Variants in HDX observed in about 807,000 individuals in gnomAD.
The protein encoded by HDX is highly divergent homeobox.
Under a neutral mutation model 45.2 loss-of-function variants are expected in HDX, and 19 were observed. That is an observed-to-expected ratio of 0.42 (90% confidence interval 0.29 to 0.62). The LOEUF (loss-of-function observed/expected upper bound fraction) is 0.62, where lower values mean the gene tolerates loss of function less well. HDX is among the 20% of genes least tolerant of loss of function. The pLI is 0.20. For missense variants in HDX, 532 were observed against 493.9 expected (o/e 1.08, Z -0.73); for synonymous variants, 188 against 172.8 (o/e 1.09, Z -0.69).
intron 4 of HDX, among the ~76,000 whole-genome samples, chrX:84,457,688 T>C (rs1454783679): frequency 8.9e-6 from 1 of 112,095 alleles, no homozygotes; most frequent in Non-Finnish European, 1.9e-5. Flanking sequence ...ATACTAGCTG[T>C]AACTTCTTCT....
chrX:84,473,141 T>A (rs1341950879), intron 3 of HDX, among the ~76,000 whole-genome samples: 2 of 109,728 alleles, frequency 1.8e-5, no homozygotes, highest in African/African-American at 6.6e-5. Flanking sequence ...TTTTTATATC[T>A]CCTTCTTTGT....
chrX:84,494,867 C>A (rs1434982509), intron 1 of HDX, among the ~76,000 whole-genome samples: 2 of 111,380 alleles, frequency 1.8e-5, no homozygotes, highest in East Asian at 2.8e-4. Context: ...AAATCAGTAT[C>A]TTGAAGATAT....
intron 5 of HDX, among the ~76,000 whole-genome samples, chrX:84,375,682 G>A (rs756777321): frequency 9.3e-6 from 1 of 108,023 alleles, no homozygotes; most frequent in South Asian, 4.3e-4. Context: ...CTCATAGATG[G>A]GAATTGAACA....
At chrX:84,486,179 AT>A (rs2148184870) in intron 2 of HDX, among the ~76,000 whole-genome samples, 1 of 110,033 alleles carries the variant, frequency 9.1e-6, no homozygotes, top group African/African-American at 3.3e-5. Context: ...TTTTTTGCAT[AT>A]TTTTAAGTGA....
At chrX:84,342,285 T>A (rs1054055645) in intron 7 of HDX, among the ~76,000 whole-genome samples, 4 of 111,679 alleles carry the variant, frequency 3.6e-5, no homozygotes, top group Non-Finnish European at 1.9e-5. Flanking sequence ...AAATCTTGAA[T>A]GGATGTTGGG....
In HDX at chrX:84,338,076, C is replaced by A. The variant is rs373518273; in HGVS notation, c.1661-1196G>T. Reference sequence around the variant, plus strand: ...TGACATTTTACTTCACCTTAGGAAGCAGAACAAAAATATTTATCAGCCCTC... The same window carrying A: ...TGACATTTTACTTCACCTTAGGAAGAAGAACAAAAATATTTATCAGCCCTC... On this transcript the variant is annotated intron_variant, in intron 7 of 10. Coordinates refer to ENST00000373177, the MANE Select transcript of HDX (RefSeq NM_001177479.2). 3.6e-5 allele frequency among the ~76,000 whole-genome samples: 4 copies of A among 111,260 alleles called. No individual in the cohort carries two copies. The East Asian group carries it at 1.1e-3, about 32-fold the overall frequency.
intron 5 of HDX, among the ~76,000 whole-genome samples, chrX:84,365,544 A>G (rs944589658): frequency 1.8e-5 from 2 of 111,894 alleles, no homozygotes; most frequent in Non-Finnish European, 1.9e-5. Flanking sequence ...CCAAAGGAGG[A>G]TGTGATTGGC....
chrX:84,372,523 C>G (rs1321411910), intron 5 of HDX, among the ~76,000 whole-genome samples: 1 of 111,886 alleles, frequency 8.9e-6, no homozygotes, highest in Non-Finnish European at 1.9e-5. Context: ...GATGTTTGAC[C>G]AAGGATTCTG....
intron 5 of HDX, among the ~76,000 whole-genome samples, chrX:84,421,014 A>C (rs964920528): frequency 5.3e-5 from 6 of 112,335 alleles, no homozygotes; most frequent in African/African-American, 1.9e-4. Context: ...GTCCTAGAAG[A>C]AATGCTGATG....
chrX:84,432,320 T>A (rs776386389), intron 5 of HDX, among the ~76,000 whole-genome samples: 1 of 111,968 alleles, frequency 8.9e-6, no homozygotes, highest in South Asian at 3.7e-4. Flanking sequence ...CTATTTGGGA[T>A]CATTTTTGGT....
chrX:84,493,729 C>T (rs1031211265), intron 1 of HDX, among the ~76,000 whole-genome samples: 80 of 111,473 alleles, frequency 7.2e-4, no homozygotes, highest in African/African-American at 2.5e-3. Flanking sequence ...TAATATACAC[C>T]TAAAACTATA....
intron 4 of HDX, among the ~76,000 whole-genome samples, chrX:84,444,227 G>A (rs769208642): frequency 5.4e-5 from 6 of 111,084 alleles, no homozygotes; most frequent in Non-Finnish European, 1.1e-4. Flanking sequence ...ACTAGAAAGG[G>A]GAGTTAAGGT....
intron 1 of HDX, among the ~76,000 whole-genome samples, chrX:84,490,165 C>T (rs1180642532): frequency 1.8e-5 from 2 of 110,468 alleles, no homozygotes; most frequent in East Asian, 5.7e-4. Context: ...AATTTGTGTC[C>T]TCTCTCCTTT....
intron 8 of HDX, among the ~76,000 whole-genome samples, chrX:84,334,258 T>C (rs1021421315): frequency 9.0e-6 from 1 of 111,009 alleles, no homozygotes; most frequent in Admixed American, 9.7e-5. Context: ...ATGTAAAATG[T>C]CAGCATATGA....
intron 2 of HDX, among the ~76,000 whole-genome samples, chrX:84,478,739 G>C (rs896564541): frequency 1.8e-4 from 20 of 110,554 alleles, no homozygotes; most frequent in African/African-American, 6.6e-4. Flanking sequence ...TGTGCCTGTA[G>C]TCCTAGCTAT....
intron 9 of HDX, among the ~76,000 whole-genome samples, chrX:84,327,839 T>G (rs1172689170): frequency 1.8e-5 from 2 of 111,346 alleles, no homozygotes; most frequent in Non-Finnish European, 3.8e-5. Context: ...TATTTTTTAT[T>G]TAGAGACAGG....
At chrX:84,359,352 C>T (rs1214201558) in intron 6 of HDX, among the ~76,000 whole-genome samples, 5 of 109,379 alleles carry the variant, frequency 4.6e-5, no homozygotes, top group Non-Finnish European at 9.5e-5. Flanking sequence ...CTTCCCCCAC[C>T]CCCCAACAGG....
intron 6 of HDX, among the ~76,000 whole-genome samples, chrX:84,346,430 T>C (rs529562402): frequency 2.7e-5 from 3 of 111,756 alleles, no homozygotes; most frequent in African/African-American, 9.7e-5. Flanking sequence ...TAAAACAGTA[T>C]CGAATAAAAA....
intron 5 of HDX, among the ~76,000 whole-genome samples, chrX:84,415,455 C>T (rs963829467): frequency 1.8e-5 from 2 of 111,658 alleles, no homozygotes; most frequent in South Asian, 3.8e-4. Flanking sequence ...CAGAACCAGC[C>T]TCCTTGTGCT....
Sources: gnomAD v4.1 joint callset for allele counts (sites outside exome capture counted in the v4.1 genomes callset) on GRCh38, gnomAD v4.1.1 for gene constraint, MANE v1.5 for transcripts, NCBI Gene and HGNC (gene_info 2026-07-23, HGNC 2026-07-21) for gene names.